TENM3: variants seen among roughly 807,000 people sequenced by gnomAD.
TENM3 encodes the protein teneurin-3.
A neutral mutation model predicts 255.1 loss-of-function variants in TENM3; 63 were observed. The observed-to-expected ratio is 0.25, with a 90% CI of 0.20 to 0.30. The LOEUF is 0.30. Ranked by LOEUF, TENM3 falls within the 10% of genes least tolerant of loss-of-function variation. The pLI is 1.00. For synonymous variants in TENM3, 1,306 were observed against 1,322.3 expected (o/e 0.99, Z 0.27); for missense variants, 2,929 against 3,461.1 (o/e 0.85, Z 3.86).
intron 6 of TENM3, among the ~76,000 whole-genome samples, chr4:182,659,422 A>G (rs1754027615): frequency 1.3e-5 from 2 of 152,188 alleles, no homozygotes; most frequent in Admixed American, 6.5e-5. Flanking sequence ...AAGCTATCAT[A>G]GGCATGGATG....
At chr4:181,634,458 A>G in the TENM3 span, among the ~76,000 whole-genome samples, 1 of 151,032 alleles carries the variant, frequency 6.6e-6, no homozygotes, top group Non-Finnish European at 1.5e-5. Context: ...AAGGTGTGAA[A>G]CACTTTTTTT....
the TENM3 span, among the ~76,000 whole-genome samples, chr4:182,068,389 AAC>A: frequency 2.9e-4 from 41 of 140,168 alleles, no homozygotes; most frequent in African/African-American, 9.6e-4. Context: ...AAGTTAAAAA[AAC>A]AAATGCTACC....
intron 12 of TENM3, among the ~76,000 whole-genome samples, chr4:182,703,368 G>C (rs1199203011): frequency 1.3e-5 from 2 of 152,178 alleles, no homozygotes; most frequent in African/African-American, 4.8e-5. Context: ...ATACTGTGGA[G>C]GATTTAAGAA....
At chr4:181,798,030 C>A in the TENM3 span, among the ~76,000 whole-genome samples, 1 of 152,056 alleles carries the variant, frequency 6.6e-6, no homozygotes, top group African/African-American at 2.4e-5. Context: ...TATTTATTCT[C>A]TTTCTTGCCT....
At chr4:181,839,723 G>T in the TENM3 span, among the ~76,000 whole-genome samples, 1 of 151,042 alleles carries the variant, frequency 6.6e-6, no homozygotes, top group Non-Finnish European at 1.5e-5. Flanking sequence ...CATCTTCTTT[G>T]GTCTGTTGTT....
chr4:182,608,243 T>C (rs1384874714), intron 4 of TENM3, among the ~76,000 whole-genome samples: 1 of 152,050 alleles, frequency 6.6e-6, no homozygotes, highest in African/African-American at 2.4e-5. Flanking sequence ...TTTTTAAAGA[T>C]TGATTGATTG....
At chr4:181,719,549 A>C in the TENM3 span, among the ~76,000 whole-genome samples, 1 of 152,168 alleles carries the variant, frequency 6.6e-6, no homozygotes, top group Admixed American at 6.5e-5. Context: ...TGGAAGCGCA[A>C]AAGGGCTCCT....
At chr4:182,183,763 T>C (rs1752979794) in intron 1 of TENM3, among the ~76,000 whole-genome samples, 1 of 152,202 alleles carries the variant, frequency 6.6e-6, no homozygotes, top group African/African-American at 2.4e-5. Flanking sequence ...ATCTAGATCA[T>C]ATTATATTAA....
the TENM3 span, among the ~76,000 whole-genome samples, chr4:181,813,720 C>T: frequency 1.3e-5 from 2 of 152,156 alleles, no homozygotes; most frequent in African/African-American, 2.4e-5. Flanking sequence ...GTTTCAGTGT[C>T]GCCTCTGAGG....
chr4:181,787,412 T>A, the TENM3 span, among the ~76,000 whole-genome samples: 1 of 151,804 alleles, frequency 6.6e-6, no homozygotes, highest in Admixed American at 6.6e-5. Context: ...CATCTCAGCT[T>A]ACTGCAACCT....
chr4:181,699,430 C>T, the TENM3 span, among the ~76,000 whole-genome samples: 1 of 96,220 alleles, frequency 1.0e-5, no homozygotes, highest in Non-Finnish European at 1.9e-5. Flanking sequence ...GCTACAGAGC[C>T]AGACCCTGTC....
chr4:182,562,311 T>C (rs1580945006), intron 3 of TENM3, among the ~76,000 whole-genome samples: 2 of 152,294 alleles, frequency 1.3e-5, no homozygotes, highest in South Asian at 4.2e-4. Context: ...AGGAATGAGA[T>C]TATGAAAGTG....
chr4:182,487,859 A>C (rs1301037236), intron 3 of TENM3, among the ~76,000 whole-genome samples: 1 of 152,176 alleles, frequency 6.6e-6, no homozygotes, highest in Non-Finnish European at 1.5e-5. Context: ...AATATTTATT[A>C]AATGCAGTGA....
the TENM3 span, among the ~76,000 whole-genome samples, chr4:181,470,108 T>TAAAAAAAAAAAAAAA: frequency 1.4e-3 from 158 of 112,574 alleles, 2 homozygotes; most frequent in African/African-American, 5.0e-3. Context: ...ATAGCTTCTG[T>TAAAAAAAAAAAAAAA]AAAAAAAAAA....
At chr4:182,753,641 C>G in intron 21 of TENM3, 37 bp downstream of exon 21, 8 of 1,602,884 alleles carry the variant, frequency 5.0e-6, no homozygotes, top group Non-Finnish European at 6.8e-6. Context: ...TGTTTTTCCT[C>G]TAGGTGACTT....
chr4:182,764,520 A>ACTT (rs1286172317), intron 22 of TENM3, among the ~76,000 whole-genome samples: 1 of 152,170 alleles, frequency 6.6e-6, no homozygotes, highest in Non-Finnish European at 1.5e-5. Flanking sequence ...GGCAAGAAAA[A>ACTT]CTTACCAAGG....
intron 22 of TENM3, among the ~76,000 whole-genome samples, chr4:182,768,845 T>C (rs1763939905): frequency 6.6e-6 from 1 of 152,008 alleles, no homozygotes; most frequent in Admixed American, 6.5e-5. Context: ...CTGAGGAAGT[T>C]TGTCCTTTCC....
intron 3 of TENM3, among the ~76,000 whole-genome samples, chr4:182,488,966 C>T (rs551007464): frequency 1.2e-4 from 18 of 152,156 alleles, no homozygotes; most frequent in Admixed American, 7.9e-4. Flanking sequence ...CATTTTCACT[C>T]TTAAATGAGT....
chr4:182,024,824 CT>C, the TENM3 span, among the ~76,000 whole-genome samples: 1 of 152,060 alleles, frequency 6.6e-6, no homozygotes, highest in Non-Finnish European at 1.5e-5. Flanking sequence ...CCACCTCCCC[CT>C]GACCCAGCTA....
Sources: allele counts gnomAD v4.1 joint callset (sites outside exome capture counted in the v4.1 genomes callset), GRCh38; gene constraint gnomAD v4.1.1; transcripts MANE v1.5; gene names NCBI Gene and HGNC (gene_info 2026-07-23, HGNC 2026-07-21).